Variants in CATSPERE observed in about 807,000 individuals in gnomAD.
CATSPERE encodes the protein cation channel sperm-associated auxiliary subunit epsilon.
CATSPERE carries 93 observed loss-of-function variants against 114.1 expected under a neutral mutation model. That is an observed-to-expected ratio of 0.81 (90% CI 0.69 to 0.97). The LOEUF is 0.97. Among genes scored for constraint, CATSPERE ranks in the 50% least tolerant of loss-of-function variants. The pLI, the probability that CATSPERE is intolerant of heterozygous loss-of-function variation, is 0.00. For synonymous variants in CATSPERE, 341 were observed against 384.1 expected, an observed-to-expected ratio of 0.89 and a Z score of 1.31; for missense variants, 1,058 against 1,131.6, an observed-to-expected ratio of 0.93 and a Z score of 0.93.
At chr1:244,551,197 T>C (rs1277667926) in intron 8 of CATSPERE, among the ~76,000 whole-genome samples, 1 of 152,200 alleles carries the variant, frequency 6.6e-6, no homozygotes, top group Non-Finnish European at 1.5e-5. Context: ...TGTATGTTTA[T>C]ACATCCTTTC....
chr1:244,492,054 A>C (rs1305335616), intron 6 of CATSPERE, among the ~76,000 whole-genome samples: 1 of 152,224 alleles, frequency 6.6e-6, no homozygotes, highest in Admixed American at 6.5e-5. Flanking sequence ...AAACTATTCC[A>C]ATCAATAGAA....
At chr1:244,600,481 A>G (rs981028078) in intron 17 of CATSPERE, among the ~76,000 whole-genome samples, 1 of 152,178 alleles carries the variant, frequency 6.6e-6, no homozygotes, top group Non-Finnish European at 1.5e-5. Context: ...AGAATGGGAG[A>G]TGTCCACCAA....
At position 244,633,838 on chromosome 1, in the gene CATSPERE, T is replaced by C. The variant is rs909204371; in HGVS notation, c.2649-1651T>C. On this transcript the variant is annotated intron_variant, in intron 20 of 21. Coordinates refer to ENST00000366534, the MANE Select transcript of CATSPERE (RefSeq NM_001130957.2). The surrounding 1 kb of genome is among the most constrained non-coding windows in gnomAD (Gnocchi z 4.1). ...AAGCCTCTTTGCCGTGCTGTGAAAATTCCTGTGACAGGTGTCTACATCACT... is the reference window on the plus strand; with the variant it reads ...AAGCCTCTTTGCCGTGCTGTGAAAACTCCTGTGACAGGTGTCTACATCACT... Among the ~76,000 whole-genome samples the C allele has an allele frequency of 6.6e-6, 1 of 151,992 alleles. No homozygotes were observed. Among genetic ancestry groups the C allele is most frequent in the African/African-American group, 2.4e-5 (1 of 41,364 alleles).
rs150265919 is a variant in CATSPERE, at chr1:244,471,842, CATGTACAT to C, written c.115-5694_115-5687del. On this transcript the variant is annotated intron_variant, in intron 2 of 21. Coordinates refer to ENST00000366534, the MANE Select transcript of CATSPERE (RefSeq NM_001130957.2). ...TTCAGATGAAACTGCTGTGGACATT[CATGTACAT>C]ATGTGGGGACATATATTTTTATTTT... Among the ~76,000 whole-genome samples, 139 of 152,312 alleles carry C rather than the reference CATGTACAT, an allele frequency of 9.1e-4. No homozygotes were observed. The East Asian group carries it at 0.025, about 27-fold the overall frequency.
At chr1:244,508,177 T>G (rs1173944396) in intron 7 of CATSPERE, among the ~76,000 whole-genome samples, 4 of 152,008 alleles carry the variant, frequency 2.6e-5, no homozygotes, top group Non-Finnish European at 1.5e-5. Flanking sequence ...TTTGTAGAGG[T>G]CTTTTACTTC....
At chr1:244,490,976 G>A (rs373634484) in intron 6 of CATSPERE, among the ~76,000 whole-genome samples, 3 of 152,018 alleles carry the variant, frequency 2.0e-5, no homozygotes, top group South Asian at 2.1e-4. Context: ...AGCCTTGTAG[G>A]ATTCTTAATA....
chr1:244,560,442 A>T (rs1662378569), intron 9 of CATSPERE, among the ~76,000 whole-genome samples: 1 of 151,956 alleles, frequency 6.6e-6, no homozygotes, highest in African/African-American at 2.4e-5. Context: ...TGAGGGATAA[A>T]AGACTATACA....
chr1:244,529,328 T>C (rs1679229602), intron 8 of CATSPERE, among the ~76,000 whole-genome samples: 1 of 152,214 alleles, frequency 6.6e-6, no homozygotes, highest in Non-Finnish European at 1.5e-5. Context: ...CCAGCATTTG[T>C]TATTGCCTGT....
At chr1:244,578,179 G>A (rs980894999) in intron 11 of CATSPERE, among the ~76,000 whole-genome samples, 1 of 152,144 alleles carries the variant, frequency 6.6e-6, no homozygotes, top group Non-Finnish European at 1.5e-5. Context: ...TTGAGATGGA[G>A]TTTCACTCTT....
At chr1:244,535,871 G>C (rs754388208) in intron 8 of CATSPERE, among the ~76,000 whole-genome samples, 1 of 152,030 alleles carries the variant, frequency 6.6e-6, no homozygotes, top group African/African-American at 2.4e-5. Context: ...AGCTGGGAAT[G>C]TGCTGGGTCA....
At position 244,616,377 on chromosome 1, in the gene CATSPERE, T is replaced by C. The variant is rs528585840; in HGVS notation, c.2491-1152T>C. On this transcript the variant is annotated intron_variant, in intron 19 of 21. Transcript: ENST00000366534. ...TTCATGAAGGAGGAATATTTCAAAATACGTAGAAAAAAGAAAATACCATTT... is the reference window on the plus strand; with the variant it reads ...TTCATGAAGGAGGAATATTTCAAAACACGTAGAAAAAAGAAAATACCATTT... 1.1e-3 allele frequency among the ~76,000 whole-genome samples: 174 copies of C among 152,294 alleles called. 1 individual carries two copies. The highest frequency in any genetic ancestry group is 3.7e-3 in the African/African-American group (154 of 41,554).
intron 1 of CATSPERE, among the ~76,000 whole-genome samples, chr1:244,455,768 A>G (rs1033108617): frequency 1.3e-5 from 2 of 151,962 alleles, no homozygotes; most frequent in East Asian, 3.9e-4. Flanking sequence ...ACTCCTTGGG[A>G]AAAACAGGAG....
At position 244,573,744 on chromosome 1, in the gene CATSPERE, G is replaced by A. The variant is rs1664827905; in HGVS notation, c.1950+972G>A. The stretch of plus-strand genomic sequence containing the variant: ...CCACATATCCCTAACTCATAGGATG[G>A]TGACATAAACTCTACCTCTTATGGA... On this transcript the variant is annotated intron_variant, in intron 11 of 21. Transcript: ENST00000366534. This position sits in a 1 kb window ranked among gnomAD's most constrained non-coding sequence, Gnocchi z 4.0. Among the ~76,000 whole-genome samples, 3 of 152,188 alleles carry A rather than the reference G, an allele frequency of 2.0e-5. No homozygotes were observed. The highest frequency in any genetic ancestry group is 2.0e-4 in the Admixed American group (3 of 15,288).
At chr1:244,459,479 A>G (rs1345203489), upstream of CATSPERE, among the ~76,000 whole-genome samples, 1 of 152,234 alleles carries the variant, frequency 6.6e-6, no homozygotes, top group African/African-American at 2.4e-5. Flanking sequence ...TTCTTGCTGC[A>G]CTTTATGCAA....
chr1:244,483,480 C>T (rs928684602), intron 5 of CATSPERE, among the ~76,000 whole-genome samples: 5 of 152,162 alleles, frequency 3.3e-5, no homozygotes, highest in African/African-American at 1.2e-4. Flanking sequence ...GCTATATCCT[C>T]ACCAACACTT....
chr1:244,620,537 T>A (rs1671954283), intron 20 of CATSPERE, among the ~76,000 whole-genome samples: 1 of 152,152 alleles, frequency 6.6e-6, no homozygotes, highest in African/African-American at 2.4e-5. Flanking sequence ...AATAATCTCA[T>A]GGTGAACCAA....
rs148764507 is a variant in CATSPERE at position 244,572,694 on chromosome 1, A to G, written c.1872A>G (p.Glu624=). 565 of 1,613,986 alleles carry G rather than the reference A, an allele frequency of 3.5e-4. 2 individuals are homozygous for G. The African/African-American group carries it at 6.8e-3, about 19-fold the overall frequency. The stretch of plus-strand genomic sequence containing the variant: ...ACACTGGTCTGTATGTTATTGTGGA[A>G]TCTTATGGCCCAAAAATATTACAAG... ...PENTGLYVIV[E]SYGPKILQES... is the part of the protein sequence containing the mutation. The change falls in exon 11 of 22, where the codon GAA becomes GAG. Residue 624 remains glutamate (E), a synonymous_variant. Coordinates refer to ENST00000366534, the MANE Select transcript of CATSPERE (RefSeq NM_001130957.2).
At chr1:244,456,446 AT>A (rs1249319587), upstream of CATSPERE, among the ~76,000 whole-genome samples, 1 of 152,084 alleles carries the variant, frequency 6.6e-6, no homozygotes, top group African/African-American at 2.4e-5. Context: ...AAGAGCTCTG[AT>A]TAATTGCCTT....
chr1:244,584,284 C>T lies in CATSPERE; in HGVS notation c.2085+345C>T, dbSNP rs118038945. ...ACAGGGTACCTTCCCTAGAGGTAAA[C>T]GTAAACTAGCTTAATTTTGCAACAT... is the stretch of plus-strand genomic sequence containing the variant. On this transcript the variant is annotated intron_variant, in intron 13 of 21. Coordinates refer to ENST00000366534, the MANE Select transcript of CATSPERE (RefSeq NM_001130957.2). 1.7e-3 allele frequency among the ~76,000 whole-genome samples: 252 copies of T among 152,018 alleles called. 3 individuals are homozygous for T. In the East Asian group the frequency reaches 0.03, roughly 18 times the overall value.
Sources: allele counts gnomAD v4.1 joint callset (sites outside exome capture counted in the v4.1 genomes callset), GRCh38; gene constraint gnomAD v4.1.1; non-coding constraint Gnocchi (gnomAD v3.1); transcripts MANE v1.5; gene names NCBI Gene and HGNC (gene_info 2026-07-23, HGNC 2026-07-21).